Variants in INPP4B observed in about 807,000 individuals in gnomAD.
INPP4B encodes inositol polyphosphate 4-phosphatase type II.
In INPP4B, 55 loss-of-function variants were observed where a neutral mutation model predicts 122.5. The ratio of observed to expected loss-of-function variants is 0.45; its 90% CI spans 0.36 to 0.56. INPP4B has a LOEUF of 0.56. Ranked by LOEUF, INPP4B falls within the 20% of genes least tolerant of loss-of-function variation. The pLI is 0.00. For missense variants in INPP4B, 1,000 were observed against 1,097.7 expected (o/e 0.91, Z 1.26); for synonymous variants, 403 against 388.7 (o/e 1.04, Z -0.43).
At chr4:142,259,913 A>G (rs2636643) in intron 11 of INPP4B, among the ~76,000 whole-genome samples, 116,635 of 152,122 alleles carry the variant, frequency 0.77, 45,807 homozygotes, top group East Asian at 0.93. Flanking sequence ...CTGTGTTATA[A>G]TCTGATAAGA....
At position 142,596,137 on chromosome 4, in the gene INPP4B, G is replaced by A. The variant is rs533983182; in HGVS notation, c.-191+129702C>T. On this transcript the variant is annotated intron_variant, in intron 2 of 25. Coordinates refer to ENST00000262992, the MANE Select transcript of INPP4B (RefSeq NM_001101669.3). ...TGGGATTATAGGCATGAGCGACACC[G>A]CCCAGCCAAATTTCTTTTTTTTAAT... 8.5e-5 allele frequency among the ~76,000 whole-genome samples: 13 copies of A among 152,066 alleles called. No individual in the cohort carries two copies. The South Asian group carries it at 2.1e-3, about 24-fold the overall frequency.
chr4:142,095,643 T>C (rs1192504474), intron 23 of INPP4B, among the ~76,000 whole-genome samples: 1 of 152,156 alleles, frequency 6.6e-6, no homozygotes, highest in African/African-American at 2.4e-5. Flanking sequence ...GAAAAAAGTA[T>C]GCTTTGTTTG....
At chr4:142,135,337 T>G (rs576242494) in intron 18 of INPP4B, among the ~76,000 whole-genome samples, 2 of 152,328 alleles carry the variant, frequency 1.3e-5, no homozygotes, top group African/African-American at 4.8e-5. Context: ...GGTTTCAAAA[T>G]AGTGGCCTAT....
At chr4:142,117,339 C>T (rs1264997877) in intron 21 of INPP4B, among the ~76,000 whole-genome samples, 2 of 152,074 alleles carry the variant, frequency 1.3e-5, no homozygotes, top group African/African-American at 2.4e-5. Flanking sequence ...GATACCAAAG[C>T]CTGGCAGAGA....
Position 142,405,219 on chromosome 4 carries a change from GTGC to G in INPP4B, c.239_241del (p.Ser80del). On this transcript the variant is annotated inframe_deletion, in exon 6 of 26. Coordinates refer to ENST00000262992, the MANE Select transcript of INPP4B (RefSeq NM_001101669.3). ...ACAGCATCTCACCTCCACAATTTCG[GTGC>G]TGGAGTATCTTGTCAGACTCTGCTC... 2 of 1,596,142 alleles carry G rather than the reference GTGC, an allele frequency of 1.3e-6. No homozygotes were observed. Among genetic ancestry groups the G allele is most frequent in the Non-Finnish European group, 1.7e-6 (2 of 1,163,796 alleles).
intron 1 of INPP4B, among the ~76,000 whole-genome samples, chr4:142,839,966 C>G (rs535575251): frequency 1.3e-5 from 2 of 152,310 alleles, no homozygotes; most frequent in East Asian, 3.9e-4. Flanking sequence ...CAACCAGACA[C>G]TTAAACAATA....
chr4:142,165,015 A>G (rs1256944865), intron 16 of INPP4B, among the ~76,000 whole-genome samples: 4 of 151,562 alleles, frequency 2.6e-5, no homozygotes, highest in African/African-American at 9.7e-5. Flanking sequence ...TCTCAAAAGC[A>G]TTTTTTTCAT....
intron 22 of INPP4B, among the ~76,000 whole-genome samples, chr4:142,111,529 T>A (rs1790071162): frequency 6.6e-6 from 1 of 151,980 alleles, no homozygotes; most frequent in Non-Finnish European, 1.5e-5. Flanking sequence ...GTATTTTTAG[T>A]AGAGTTGGGG....
At chr4:142,725,793 T>C (rs1765273341) in intron 2 of INPP4B, 46 bp downstream of exon 2, 1 of 396,312 alleles carries the variant, frequency 2.5e-6, no homozygotes. Context: ...TAGTTTCATG[T>C]AGAGTTATAC....
At chr4:142,672,975 T>C (rs997094430) in intron 2 of INPP4B, among the ~76,000 whole-genome samples, 2 of 152,170 alleles carry the variant, frequency 1.3e-5, no homozygotes, top group Admixed American at 1.3e-4. Context: ...CCAGTATCTT[T>C]TGTTAAAAAG....
chr4:142,057,986 A>T (rs1189980132), intron 25 of INPP4B, among the ~76,000 whole-genome samples: 1 of 152,054 alleles, frequency 6.6e-6, no homozygotes, highest in Non-Finnish European at 1.5e-5. Context: ...GTAGCCTTGC[A>T]TTTTCGCCAT....
intron 15 of INPP4B, among the ~76,000 whole-genome samples, chr4:142,182,357 G>T (rs1238482833): frequency 6.6e-6 from 1 of 151,954 alleles, no homozygotes; most frequent in African/African-American, 2.4e-5. Context: ...GACCAACCTG[G>T]CTAACACGGT....
chr4:142,046,442 G>T lies in INPP4B; in HGVS notation c.2643-17528C>A, dbSNP rs550420802. On this transcript the variant is annotated intron_variant, in intron 25 of 25. Coordinates refer to ENST00000262992, the MANE Select transcript of INPP4B (RefSeq NM_001101669.3). ...GGCATCTCCAAGGGTTCTTGTGAAA[G>T]CCAAATTGGTGCCTAAAAGATGTAT... 5.3e-4 allele frequency among the ~76,000 whole-genome samples: 81 copies of T among 152,238 alleles called. 1 individual carries two copies. The highest frequency in any genetic ancestry group is 1.9e-3 in the African/African-American group (78 of 41,548).
rs369035702 is a variant in INPP4B at position 142,351,052 on chromosome 4, C to A, written c.373-36290G>T. Among the ~76,000 whole-genome samples the A allele has an allele frequency of 2.0e-5, 3 of 152,140 alleles. No homozygotes were observed. The East Asian group carries it at 5.8e-4, about 30-fold the overall frequency. On this transcript the variant is annotated intron_variant, in intron 7 of 25. Coordinates refer to ENST00000262992, the MANE Select transcript of INPP4B (RefSeq NM_001101669.3). ...CTAGCTGTTTTGTTTGCCCAAGGAG[C>A]AGCTGCTCCTTCCTGTAATAGCAGC...
At chr4:142,093,168 A>G (rs992940385) in intron 23 of INPP4B, among the ~76,000 whole-genome samples, 2 of 152,178 alleles carry the variant, frequency 1.3e-5, no homozygotes, top group Non-Finnish European at 2.9e-5. Context: ...GGTCTTGTTT[A>G]GGTGCTTAAG....
At chr4:142,730,664 C>T (rs1267398134) in intron 1 of INPP4B, among the ~76,000 whole-genome samples, 2 of 152,154 alleles carry the variant, frequency 1.3e-5, no homozygotes, top group East Asian at 3.8e-4. Flanking sequence ...ATAGTCAATG[C>T]CTATAACTTA....
intron 15 of INPP4B, among the ~76,000 whole-genome samples, chr4:142,192,728 G>A (rs1039739767): frequency 6.6e-6 from 1 of 152,092 alleles, no homozygotes; most frequent in Non-Finnish European, 1.5e-5. Context: ...TAAATTAGGA[G>A]CCATATTCTC....
In INPP4B at chr4:142,206,355, CTT is replaced by C. The variant is rs35063723; in HGVS notation, c.1072+2068_1072+2069del. On this transcript the variant is annotated intron_variant, in intron 14 of 25. Coordinates refer to ENST00000262992, the MANE Select transcript of INPP4B (RefSeq NM_001101669.3). ...TGGGCCCATCCATCTCTCTCTCTCTCTTTTTTTTTTTTTTTTCAGTTCTTTCA... is the reference window on the plus strand; with the variant it reads ...TGGGCCCATCCATCTCTCTCTCTCTCTTTTTTTTTTTTTTCAGTTCTTTCA... Among the ~76,000 whole-genome samples, 573 of 129,994 alleles carry C rather than the reference CTT, an allele frequency of 4.4e-3. 8 individuals carry two copies. Among genetic ancestry groups the C allele is most frequent in the Middle Eastern group, 4.0e-3 (1 of 252 alleles). The allele number at this position is 129,994 out of a possible 152,430, so 85.3% of individuals were successfully genotyped here. A position where few individuals can be genotyped will look rare whatever the true frequency, so the allele number is the denominator to read the frequency against.
Position 142,130,797 on chromosome 4 carries a change from G to A in INPP4B, c.1721-6037C>T, listed in dbSNP as rs186426405. ...GAAATAACTGTACTGCTCAACCCAA[G>A]ACAAATGGCTATGACAAGAACAAAG... On this transcript the variant is annotated intron_variant, in intron 18 of 25. Coordinates refer to ENST00000262992, the MANE Select transcript of INPP4B (RefSeq NM_001101669.3). Among the ~76,000 whole-genome samples, 96 of 152,278 alleles carry A rather than the reference G, an allele frequency of 6.3e-4. 1 individual carries two copies. The highest frequency in any genetic ancestry group is 2.2e-3 in the African/African-American group (92 of 41,566).
Sources: gnomAD v4.1 joint callset for allele counts (sites outside exome capture counted in the v4.1 genomes callset) on GRCh38, gnomAD v4.1.1 for gene constraint, MANE v1.5 for transcripts, NCBI Gene and HGNC (gene_info 2026-07-23, HGNC 2026-07-21) for gene names.